HIPK2: variants seen among roughly 807,000 people sequenced by gnomAD.
The protein encoded by HIPK2 is homeodomain interacting protein kinase 2, also known as homeodomain-interacting protein kinase 2.
HIPK2 carries 27 observed loss-of-function variants against 113.7 expected under a neutral mutation model. The observed-to-expected ratio is 0.24, with a 90% CI of 0.17 to 0.33. The LOEUF (loss-of-function observed/expected upper bound fraction) is 0.33, where lower values mean the gene tolerates loss of function less well. Ranked by LOEUF, HIPK2 falls within the 10% of genes least tolerant of loss-of-function variation. HIPK2 has a pLI of 1.00. For synonymous variants in HIPK2, 631 were observed against 642.2 expected (o/e 0.98, Z 0.26); for missense variants, 1,257 against 1,588.0 (o/e 0.79, Z 3.54).
chr7:139,721,239 A>T (rs1398087071), intron 1 of HIPK2, among the ~76,000 whole-genome samples: 1 of 152,246 alleles, frequency 6.6e-6, no homozygotes, highest in Non-Finnish European at 1.5e-5. Context: ...AACAAGATAT[A>T]GTTAAAGTCT....
At chr7:139,659,032 C>T (rs1014431049) in intron 2 of HIPK2, among the ~76,000 whole-genome samples, 1 of 152,046 alleles carries the variant, frequency 6.6e-6, no homozygotes, top group Non-Finnish European at 1.5e-5. Context: ...TAAACACTGA[C>T]TGATGGACAT....
At chr7:139,690,161 C>T (rs1794357419) in intron 2 of HIPK2, among the ~76,000 whole-genome samples, 1 of 152,172 alleles carries the variant, frequency 6.6e-6, no homozygotes, top group Non-Finnish European at 1.5e-5. Flanking sequence ...AGAAAGCCCT[C>T]AGACCCATTC....
intron 1 of HIPK2, among the ~76,000 whole-genome samples, chr7:139,721,235 ATATAGT>A (rs762514990): frequency 2.6e-5 from 4 of 152,266 alleles, no homozygotes; most frequent in Non-Finnish European, 5.9e-5. Context: ...CTCCAACAAG[ATATAGT>A]TAAAGTCTTT....
rs1388954199 is a variant in HIPK2 at position 139,600,577 on chromosome 7, T to G, written c.2275A>C (p.Ser759Arg). The change falls in exon 11 of 15, where the codon AGC (serine) becomes CGC (arginine). Residue 759 changes from serine to arginine, a missense_variant. By Grantham distance (110) the Ser-to-Arg change is moderately radical (BLOSUM62 -1). This residue lies in a region of HIPK2 where 862 missense variants were observed against 1,004.3 expected (regional missense o/e 0.86). Coordinates refer to ENST00000406875, the MANE Select transcript of HIPK2 (RefSeq NM_022740.5). ...TGCTGCATGATGGGATTATAATGGCTTCCGTGAGCATGCGTATTTCTGAAA... is the reference window on the plus strand; with the variant it reads ...TGCTGCATGATGGGATTATAATGGCGTCCGTGAGCATGCGTATTTCTGAAA... ...ADWRNTHAHGSHYNPIMQQPA... is the reference protein window; with the variant it reads ...ADWRNTHAHGRHYNPIMQQPA... The G allele has an allele frequency of 6.2e-7, 1 of 1,613,938 alleles. No individual in the cohort carries two copies. Among genetic ancestry groups the G allele is most frequent in the Non-Finnish European group, 8.5e-7 (1 of 1,179,844 alleles).
intron 2 of HIPK2, among the ~76,000 whole-genome samples, chr7:139,713,260 G>T (rs73156901): frequency 1.3e-5 from 2 of 152,134 alleles, no homozygotes; most frequent in South Asian, 2.1e-4. Context: ...CACCCACAGA[G>T]GGGGGCAGGA....
At chr7:139,600,274 C>T in intron 11 of HIPK2, 143 bp downstream of exon 11, 4 of 957,494 alleles carry the variant, frequency 4.2e-6, no homozygotes, top group Non-Finnish European at 6.1e-6. Context: ...GGATGTTTTG[C>T]TAGTCACTGC....
intron 1 of HIPK2, among the ~76,000 whole-genome samples, chr7:139,727,307 C>A (rs1005217738): frequency 6.6e-6 from 1 of 152,098 alleles, no homozygotes; most frequent in Non-Finnish European, 1.5e-5. Context: ...GTGGCAGAGC[C>A]TGGCTGGGAA....
At chr7:139,719,783 ATTCT>A (rs1348000881) in intron 1 of HIPK2, among the ~76,000 whole-genome samples, 2 of 152,160 alleles carry the variant, frequency 1.3e-5, no homozygotes, top group African/African-American at 4.8e-5. Flanking sequence ...CTTGCATCCA[ATTCT>A]TTATTTCTGC....
At chr7:139,704,035 T>C (rs1165645220) in intron 2 of HIPK2, among the ~76,000 whole-genome samples, 180 of 58,164 alleles carry the variant, frequency 3.1e-3, no homozygotes, top group East Asian at 3.3e-3. Flanking sequence ...CCACACTATA[T>C]CCAACATACA....
intron 2 of HIPK2, among the ~76,000 whole-genome samples, chr7:139,693,404 A>G (rs988614347): frequency 3.9e-5 from 6 of 152,212 alleles, no homozygotes; most frequent in African/African-American, 1.2e-4. Context: ...CACATTTATA[A>G]TAACCCTGAG....
Position 139,572,897 on chromosome 7 carries a change from C to CCA in HIPK2, c.*29_*30insTG. 1.8e-6 allele frequency: 1 copy of CCA among 571,116 alleles called. No homozygotes were observed. Among genetic ancestry groups the CCA allele is most frequent in the Non-Finnish European group, 3.2e-6 (1 of 308,982 alleles). The allele number at this position is 571,116 out of a possible 1,614,324, so 35.4% of individuals were successfully genotyped here. ...CCTCCTCCCTCGGGCCATTCTCTCC[C>CCA]TCCCTCCCTCCCTCCCTCCCCTCCA... On this transcript the variant is annotated 3_prime_UTR_variant, in exon 15 of 15. Transcript: ENST00000406875.
chr7:139,688,734 T>TA (rs1232415651), intron 2 of HIPK2, among the ~76,000 whole-genome samples: 1 of 152,062 alleles, frequency 6.6e-6, no homozygotes, highest in African/African-American at 2.4e-5. Flanking sequence ...AGTTCCCATG[T>TA]AAAATCACTT....
rs1215577572 is a variant in HIPK2, at chr7:139,575,156, T to C, written c.3098A>G (p.Gln1033Arg). The change falls in exon 14 of 15, where the codon CAG becomes CGG. Residue 1033 changes from glutamine to arginine, a missense_variant. Coordinates refer to ENST00000406875, the MANE Select transcript of HIPK2 (RefSeq NM_022740.5). Reference sequence around the variant, plus strand: ...GCTGAGATTGAGTGGCTGCTGCTGCTGGAAGTGGGGGCCCGGCCGCTGCTG... The same window carrying C: ...GCTGAGATTGAGTGGCTGCTGCTGCCGGAAGTGGGGGCCCGGCCGCTGCTG... ...YRQQRPGPHF[Q>R]QQQPLNLSQA... The C allele has an allele frequency of 8.1e-6, 13 of 1,595,348 alleles. No homozygotes were observed. The highest frequency in any genetic ancestry group is 1.1e-5 in the Non-Finnish European group (13 of 1,171,706).
At chr7:139,599,430 G>T (rs962687071) in intron 11 of HIPK2, among the ~76,000 whole-genome samples, 6 of 152,180 alleles carry the variant, frequency 3.9e-5, no homozygotes, top group Admixed American at 2.6e-4. Flanking sequence ...GCCCTAATCG[G>T]ATCTCTGTCT....
intron 2 of HIPK2, among the ~76,000 whole-genome samples, chr7:139,660,471 C>G (rs1301033958): frequency 2.0e-5 from 3 of 152,232 alleles, no homozygotes; most frequent in Non-Finnish European, 2.9e-5. Context: ...ATAAAAGTGA[C>G]AGAAATAAAG....
chr7:139,724,483 TC>T (rs1241792240), intron 1 of HIPK2, among the ~76,000 whole-genome samples: 3 of 152,312 alleles, frequency 2.0e-5, no homozygotes, highest in South Asian at 4.1e-4. Context: ...TATAGTATAT[TC>T]CACCAGAGCA....
chr7:139,699,931 C>T (rs906617397), intron 2 of HIPK2, among the ~76,000 whole-genome samples: 2 of 152,234 alleles, frequency 1.3e-5, no homozygotes, highest in Non-Finnish European at 2.9e-5. Flanking sequence ...GTCTGGGGCA[C>T]TGAATCATTA....
rs1799910271 is a variant in HIPK2, at chr7:139,613,438, C to T, written c.1991-115G>A. 5 of 1,272,820 alleles carry T rather than the reference C, an allele frequency of 3.9e-6. No homozygotes were observed. Among genetic ancestry groups the T allele is most frequent in the African/African-American group, 1.5e-5 (1 of 67,708 alleles). 78.8% of individuals were successfully genotyped at this position (1,272,820 alleles called of 1,614,324 possible). ...TTTCTGCTTCCCTTTGCACTGGTCA[C>T]TGACAACAACCAGGTATTGCCTGGT... On this transcript the variant is annotated intron_variant, in intron 8 of 14. Coordinates refer to ENST00000406875, the MANE Select transcript of HIPK2 (RefSeq NM_022740.5). The surrounding 1 kb of genome is among the most constrained non-coding windows in gnomAD (Gnocchi z 4.2).
intron 9 of HIPK2, among the ~76,000 whole-genome samples, chr7:139,609,282 A>AT (rs922084725): frequency 6.6e-6 from 1 of 152,210 alleles, no homozygotes; most frequent in African/African-American, 2.4e-5. Flanking sequence ...GATCACTCCC[A>AT]TATCACTAAC....
Sources: gnomAD v4.1 joint callset for allele counts (sites outside exome capture counted in the v4.1 genomes callset) on GRCh38, gnomAD v4.1.1 for gene constraint, gnomAD v4.1.1 regional missense constraint, Gnocchi (gnomAD v3.1) non-coding constraint, MANE v1.5 for transcripts, NCBI Gene and HGNC (gene_info 2026-07-23, HGNC 2026-07-21) for gene names.